The following CPNE2 variants were observed in gnomAD, a reference collection of about 807,000 sequenced individuals.
The protein encoded by CPNE2 is copine 2.
Under a neutral mutation model 69.7 loss-of-function variants are expected in CPNE2, and 42 were observed. The observed-to-expected ratio is 0.60, with a 90% confidence interval of 0.47 to 0.78. The LOEUF (loss-of-function observed/expected upper bound fraction) is 0.78. CPNE2 is among the 30% of genes least tolerant of loss of function. The probability of loss-of-function intolerance (pLI) is 0.00; values close to 1 mark genes in which losing one functional copy is unlikely to be tolerated. For synonymous variants in CPNE2, 294 were observed against 289.8 expected (o/e 1.01, Z -0.15); for missense variants, 587 against 732.0 (o/e 0.80, Z 2.29).
Position 57,113,279 on chromosome 16 carries a change from C to T in CPNE2, c.181-9C>T, listed in dbSNP as rs2069693306. Reference sequence around the variant, plus strand: ...GACTCTGACTTCCATTTTCCTGCCCCTCTGCTAGTACGACAGGACAGAAAC... The same window carrying T: ...GACTCTGACTTCCATTTTCCTGCCCTTCTGCTAGTACGACAGGACAGAAAC... On this transcript the variant is annotated splice_polypyrimidine_tract_variant and intron_variant, in intron 2 of 15. Coordinates refer to ENST00000290776, the MANE Select transcript of CPNE2 (RefSeq NM_152727.6). The T allele has an allele frequency of 6.2e-7, 1 of 1,611,864 alleles. No individual in the cohort carries two copies. The highest frequency in any genetic ancestry group is 1.1e-5 in the South Asian group (1 of 90,886).
At chr16:57,137,929 C>T (rs913166580) in intron 14 of CPNE2, among the ~76,000 whole-genome samples, 6 of 152,232 alleles carry the variant, frequency 3.9e-5, no homozygotes, top group Non-Finnish European at 8.8e-5. Context: ...CCACCATGAC[C>T]TGCCCTTGCC....
chr16:57,100,426 A>G (rs7204489), intron 1 of CPNE2, among the ~76,000 whole-genome samples: 10,244 of 152,316 alleles, frequency 0.067, 585 homozygotes, highest in African/African-American at 0.13. Flanking sequence ...AGAACAGCCG[A>G]AAGCCATGGA....
In CPNE2 at chr16:57,115,477, TC is replaced by T; in HGVS notation, c.363del (p.Ile121MetfsTer14). 6.2e-7 allele frequency: 1 copy of T among 1,611,440 alleles called. No homozygotes were observed. The highest frequency in any genetic ancestry group is 8.5e-7 in the Non-Finnish European group (1 of 1,178,592). On this transcript the variant is annotated frameshift_variant and splice_region_variant, in exon 4 of 16. Coordinates refer to ENST00000290776, the MANE Select transcript of CPNE2 (RefSeq NM_152727.6). LOFTEE classifies it high-confidence loss of function. Reference sequence around the variant, plus strand: ...CGCCCTTTCTCCTCTCTCCCCTAGATCGTCTCCAGCAAGAAGATCACTAGGC... The same window carrying T: ...CGCCCTTTCTCCTCTCTCCCCTAGATGTCTCCAGCAAGAAGATCACTAGGC... The part of the protein sequence containing the change: ...LGQFSCSLGT[I>X]VSSKKITRPL...
chr16:57,117,480 T>C lies in CPNE2; in HGVS notation c.436-16T>C, dbSNP rs770263500. On this transcript the variant is annotated splice_polypyrimidine_tract_variant and intron_variant, in intron 4 of 15. Coordinates refer to ENST00000290776, the MANE Select transcript of CPNE2 (RefSeq NM_152727.6). ...CTGGGGGAGTCTGAGGAGCCCCTCA[T>C]GTCCCGGCCTTACAGATCGCTGCCC... 8.1e-6 allele frequency: 13 copies of C among 1,611,356 alleles called. No individual in the cohort carries two copies. The highest frequency in any genetic ancestry group is 6.7e-5 in the Admixed American group (4 of 59,762).
rs1452440108 is a variant in CPNE2, at chr16:57,146,491, C to A, written c.1539+170C>A. 3 of 634,094 alleles carry A rather than the reference C, an allele frequency of 4.7e-6. No homozygotes were observed. The highest frequency in any genetic ancestry group is 8.1e-6 in the Non-Finnish European group (3 of 368,376). 39.3% of individuals were successfully genotyped at this position (634,094 alleles called of 1,614,324 possible). A position where few individuals can be genotyped will look rare whatever the true frequency, so the allele number is the denominator to read the frequency against. ...GTGCCAGGCGCCGTGCCAGGCCTTG[C>A]CCCGGTGGTGGCCATTGTGATAGTG... On this transcript the variant is annotated intron_variant, in intron 15 of 15. Transcript: ENST00000290776. This position sits in a 1 kb window ranked among gnomAD's most constrained non-coding sequence, Gnocchi z 4.4.
intron 12 of CPNE2, among the ~76,000 whole-genome samples, chr16:57,133,877 C>T (rs1208550115): frequency 6.6e-6 from 1 of 151,844 alleles, no homozygotes; most frequent in African/African-American, 2.4e-5. Flanking sequence ...GATTCCTGCA[C>T]AGCAGTGAAT....
Position 57,110,877 on chromosome 16 carries a change from C to T in CPNE2, c.135C>T (p.Asp45=), listed in dbSNP as rs778137833. 16 of 1,613,632 alleles carry T rather than the reference C, an allele frequency of 9.9e-6. No homozygotes were observed. The highest frequency in any genetic ancestry group is 1.4e-5 in the Non-Finnish European group (16 of 1,179,770). The change falls in exon 2 of 16, where the codon GAC becomes GAT. Residue 45 remains aspartate, a synonymous_variant. Coordinates refer to ENST00000290776, the MANE Select transcript of CPNE2 (RefSeq NM_152727.6). The stretch of plus-strand genomic sequence containing the variant: ...ACCGGGATGTTACCTCCAAGTCCGA[C>T]CCCTTCTGTGTCCTCTTTACAGAGA... The part of the protein sequence containing the change: ...LLDRDVTSKS[D]PFCVLFTENN...
chr16:57,093,678 G>A (rs759756738), intron 1 of CPNE2, among the ~76,000 whole-genome samples: 5 of 152,204 alleles, frequency 3.3e-5, no homozygotes, highest in Non-Finnish European at 5.9e-5. Flanking sequence ...TGTACTGGGG[G>A]AAGGGACAAG....
At chr16:57,094,141 G>T (rs1326324527) in intron 1 of CPNE2, 6 of 453,780 alleles carry the variant, frequency 1.3e-5, no homozygotes, top group African/African-American at 1.2e-4. Flanking sequence ...GGTCACCCAG[G>T]CAGGTTTCTC....
intron 1 of CPNE2, among the ~76,000 whole-genome samples, chr16:57,097,900 G>C (rs1487233487): frequency 6.6e-6 from 1 of 152,236 alleles, no homozygotes; most frequent in Non-Finnish European, 1.5e-5. Context: ...ATCCCCATGT[G>C]GAGCTTCCTG....
In CPNE2 at chr16:57,130,883, CGTG is replaced by C. The variant is rs2069833152; in HGVS notation, c.1116+2982_1116+2984del. 6.6e-6 allele frequency among the ~76,000 whole-genome samples: 1 copy of C among 151,814 alleles called. No individual in the cohort carries two copies. The highest frequency in any genetic ancestry group is 1.5e-5 in the Non-Finnish European group (1 of 67,964). ...AAGGCTGAGGAGGAGCCAGGAGAGG[CGTG>C]GAGGTGAATTGAAGCGGGGGTCCCT... On this transcript the variant is annotated intron_variant, in intron 12 of 15. Coordinates refer to ENST00000290776, the MANE Select transcript of CPNE2 (RefSeq NM_152727.6). This position sits in a 1 kb window ranked among gnomAD's most constrained non-coding sequence, Gnocchi z 4.1.
rs1310792260 is a variant in CPNE2, at chr16:57,130,563, A to G, written c.1116+2660A>G. The stretch of plus-strand genomic sequence containing the variant: ...CACTCTGCCTGCTTTACCAGTTTCA[A>G]CTAATTCTCACCAAAGCCAATGAGG... On this transcript the variant is annotated intron_variant, in intron 12 of 15. Coordinates refer to ENST00000290776, the MANE Select transcript of CPNE2 (RefSeq NM_152727.6). This position sits in a 1 kb window ranked among gnomAD's most constrained non-coding sequence, Gnocchi z 4.1. 1.2e-4 allele frequency among the ~76,000 whole-genome samples: 18 copies of G among 152,002 alleles called. No homozygotes were observed. Among genetic ancestry groups the G allele is most frequent in the Admixed American group, 2.6e-4 (4 of 15,244 alleles).
At chr16:57,108,785 C>A (rs1042603240) in intron 1 of CPNE2, among the ~76,000 whole-genome samples, 1 of 152,200 alleles carries the variant, frequency 6.6e-6, no homozygotes, top group African/African-American at 2.4e-5. Context: ...TTCGACTGAT[C>A]ACATGTCAGT....
At chr16:57,121,978 C>G (rs531981813) in intron 9 of CPNE2, among the ~76,000 whole-genome samples, 25 of 152,382 alleles carry the variant, frequency 1.6e-4, no homozygotes, top group Admixed American at 1.2e-3. Context: ...CAGGGTTACT[C>G]TTCTCTCACA....
At chr16:57,117,913 T>G (rs1382966085) in intron 5 of CPNE2, among the ~76,000 whole-genome samples, 1 of 151,992 alleles carries the variant, frequency 6.6e-6, no homozygotes. Flanking sequence ...CGCACCTCAC[T>G]CTGCTTCAGC....
At position 57,113,369 on chromosome 16, in the gene CPNE2, G is replaced by T. The variant is rs770492619; in HGVS notation, c.262G>T (p.Val88Leu). The change falls in exon 3 of 16, where the codon GTA (valine) becomes TTA (leucine). Residue 88 changes from valine (V) to leucine (L), a missense_variant. Physicochemically the swap from Val to Leu is conservative, Grantham distance 32 (BLOSUM62 1). This residue lies in a region of CPNE2 where 34 missense variants were observed against 67.1 expected (regional missense o/e 0.51). Coordinates refer to ENST00000290776, the MANE Select transcript of CPNE2 (RefSeq NM_152727.6). ...KFVLDYHFEEVQKLKFALFDQ... is the reference protein window; with the variant it reads ...KFVLDYHFEELQKLKFALFDQ... The stretch of plus-strand genomic sequence containing the variant: ...CGTGCTTGACTACCACTTCGAGGAG[G>T]TACAGAAGCTCAAGTTCGCGCTCTT... 1 of 1,614,070 alleles carries T rather than the reference G, an allele frequency of 6.2e-7. No homozygotes were observed. Among genetic ancestry groups the T allele is most frequent in the East Asian group, 2.2e-5 (1 of 44,900 alleles).
At chr16:57,098,157 T>C (rs2069590016) in intron 1 of CPNE2, among the ~76,000 whole-genome samples, 1 of 152,122 alleles carries the variant, frequency 6.6e-6, no homozygotes, top group African/African-American at 2.4e-5. Flanking sequence ...AAGCGGGCAC[T>C]ACAGAGAATG....
At chr16:57,141,210 C>G (rs1806460635) in intron 14 of CPNE2, 1 of 152,318 alleles carries the variant, frequency 6.6e-6, no homozygotes, top group Non-Finnish European at 1.5e-5. Context: ...GGACCCAGGT[C>G]TGAGGGGGTT....
chr16:57,146,105 C>A lies in CPNE2; in HGVS notation c.1323C>A (p.Ile441=). Residue 441 remains isoleucine, a synonymous_variant, in exon 15 of 16, where the codon ATC becomes ATA. Coordinates refer to ENST00000290776, the MANE Select transcript of CPNE2 (RefSeq NM_152727.6). The surrounding 1 kb of genome is among the most constrained non-coding windows in gnomAD (Gnocchi z 4.4). ...TGCAGCAGTACTTCATCCTCCTCAT[C>A]ATCACGGACGGGGTCATCAGTGACA... is the stretch of plus-strand genomic sequence containing the variant. ...RTATQYFILL[I]ITDGVISDME... The A allele has an allele frequency of 6.2e-7, 1 of 1,603,852 alleles. No individual in the cohort carries two copies. The highest frequency in any genetic ancestry group is 1.3e-5 in the African/African-American group (1 of 74,874).
Sources: gnomAD v4.1 joint callset for allele counts (sites outside exome capture counted in the v4.1 genomes callset) on GRCh38, gnomAD v4.1.1 for gene constraint, gnomAD v4.1.1 regional missense constraint, Gnocchi (gnomAD v3.1) non-coding constraint, MANE v1.5 for transcripts, NCBI Gene and HGNC (gene_info 2026-07-23, HGNC 2026-07-21) for gene names.